Variants in PNPLA7 observed in about 807,000 individuals in gnomAD.
The protein encoded by PNPLA7 is patatin like domain 7, lysophospholipase.
Under a neutral mutation model 161.7 loss-of-function variants are expected in PNPLA7, and 153 were observed. The observed-to-expected ratio is 0.95, with a 90% confidence interval of 0.83 to 1.08. PNPLA7 has a LOEUF of 1.08. PNPLA7 is among the 50% of genes least tolerant of loss of function. The pLI is 0.00. For synonymous variants in PNPLA7, 809 were observed against 782.1 expected, an observed-to-expected ratio of 1.03 and a Z score of -0.57; for missense variants, 1,739 against 1,856.6, an observed-to-expected ratio of 0.94 and a Z score of 1.16.
chr9:137,547,416 C>T lies in PNPLA7; in HGVS notation c.106-20G>A, dbSNP rs780038905. On this transcript the variant is annotated intron_variant, in intron 2 of 34. Transcript: ENST00000406427. This position sits in a 1 kb window ranked among gnomAD's most constrained non-coding sequence, Gnocchi z 4.6. ...CGTCAGCTGGCCGAGAGTGGAAACA[C>T]GGCGCCCATCAGCAAAGCCACAAAC... The T allele has an allele frequency of 1.2e-5, 19 of 1,612,758 alleles. No homozygotes were observed. Among genetic ancestry groups the T allele is most frequent in the East Asian group, 8.9e-5 (4 of 44,886 alleles).
In PNPLA7 at chr9:137,461,952, C is replaced by G; in HGVS notation, c.3735G>C (p.Pro1245=). The stretch of plus-strand genomic sequence containing the variant: ...TCACCGCACTCGCGGGCTTCTTGCT[C>G]GGCCCCTGCTGGTCGCGGAGCATCT... The part of the protein sequence containing the change: ...LEKMLRDQQG[P]SKKPASAVLT... Residue 1245 remains proline, a synonymous_variant, in exon 32 of 35, where the codon CCG becomes CCC. Transcript: ENST00000406427. 1 of 1,587,556 alleles carries G rather than the reference C, an allele frequency of 6.3e-7. No individual in the cohort carries two copies. The highest frequency in any genetic ancestry group is 8.5e-7 in the Non-Finnish European group (1 of 1,171,396).
At chr9:137,546,509 C>G (rs560557797) in intron 4 of PNPLA7, among the ~76,000 whole-genome samples, 3 of 152,208 alleles carry the variant, frequency 2.0e-5, no homozygotes, top group Admixed American at 1.3e-4. Context: ...GCCCTACAGG[C>G]CTTCCCTCCC....
At chr9:137,506,131 A>G in intron 12 of PNPLA7, 48 bp from the exon 13 acceptor site, 1 of 1,519,758 alleles carries the variant, frequency 6.6e-7, no homozygotes, top group Non-Finnish European at 9.0e-7. Flanking sequence ...GGCCACTGAC[A>G]CAAACGTCCG....
At chr9:137,504,777 T>TG (rs1443058836) in intron 14 of PNPLA7, among the ~76,000 whole-genome samples, 1 of 152,048 alleles carries the variant, frequency 6.6e-6, no homozygotes, top group East Asian at 1.9e-4. Context: ...AGAAAATAAC[T>TG]GGGGGAGGGA....
At position 137,500,623 on chromosome 9, in the gene PNPLA7, A is replaced by T; in HGVS notation, c.1757+68T>A. ...TGAGAGCACCAGGAAGAGGCCGGCC[A>T]CGCGGGGAGGGGTCTCAGGGCAGGG... On this transcript the variant is annotated intron_variant, in intron 16 of 34. Coordinates refer to ENST00000406427, the MANE Select transcript of PNPLA7 (RefSeq NM_001098537.3). This position sits in a 1 kb window ranked among gnomAD's most constrained non-coding sequence, Gnocchi z 5.5. 1 of 1,466,464 alleles carries T rather than the reference A, an allele frequency of 6.8e-7. No homozygotes were observed. The highest frequency in any genetic ancestry group is 9.4e-7 in the Non-Finnish European group (1 of 1,067,012). The allele number at this position is 1,466,464 out of a possible 1,614,324, so 90.8% of individuals were successfully genotyped here.
intron 25 of PNPLA7, among the ~76,000 whole-genome samples, chr9:137,477,031 C>T (rs893070894): frequency 8.5e-5 from 13 of 152,230 alleles, no homozygotes; most frequent in East Asian, 1.9e-4. Flanking sequence ...GCTGGCACTC[C>T]GTGGGAGATG....
chr9:137,542,462 C>T (rs1379816082), intron 7 of PNPLA7, among the ~76,000 whole-genome samples, 180 bp downstream of exon 7: 1 of 152,080 alleles, frequency 6.6e-6, no homozygotes, highest in Non-Finnish European at 1.5e-5. Context: ...CAGAGTGAGA[C>T]CCTGTTTCAA....
chr9:137,464,023 C>T (rs904427023), intron 28 of PNPLA7, 103 bp downstream of exon 28: 2 of 1,289,628 alleles, frequency 1.6e-6, no homozygotes, highest in East Asian at 5.0e-5. Flanking sequence ...CGTCTGCATC[C>T]TTCAGGAGAC....
At chr9:137,501,991 T>C (rs1833453018) in intron 14 of PNPLA7, among the ~76,000 whole-genome samples, 1 of 152,246 alleles carries the variant, frequency 6.6e-6, no homozygotes, top group Non-Finnish European at 1.5e-5. Flanking sequence ...ACACTCGTAT[T>C]TTTGTGAATT....
intron 26 of PNPLA7, 147 bp from the exon 27 acceptor site, chr9:137,464,603 C>G: frequency 4.0e-6 from 3 of 742,900 alleles, no homozygotes; most frequent in Non-Finnish European, 6.8e-6. Flanking sequence ...GGCTTGGCGC[C>G]CTGGCTGGAG....
At chr9:137,479,846 C>A in intron 23 of PNPLA7, 1 of 985,434 alleles carries the variant, frequency 1.0e-6, no homozygotes, top group Non-Finnish European at 1.2e-6. Context: ...CCCGAAGGTG[C>A]CTGCAGAAGG....
At position 137,505,619 on chromosome 9, in the gene PNPLA7, G is replaced by A. The variant is rs1833873284; in HGVS notation, c.1468C>T (p.Leu490=). ...AKKDLLTLMK[L]EDSSLLDGRV... is the part of the protein sequence containing the mutation. ...TGCCCGCCGGGGCCACTCACTTCCA[G>A]CTTCATCAGGGTGAGCAGGTCCTTC... Residue 490 remains leucine (L), a synonymous_variant, in exon 14 of 35, where the codon CTG becomes TTG. Coordinates refer to ENST00000406427, the MANE Select transcript of PNPLA7 (RefSeq NM_001098537.3). 6 of 1,613,972 alleles carry A rather than the reference G, an allele frequency of 3.7e-6. No homozygotes were observed. Among genetic ancestry groups the A allele is most frequent in the Non-Finnish European group, 5.1e-6 (6 of 1,180,002 alleles).
rs188270302 is a variant in PNPLA7, at chr9:137,462,235, G to A, written c.3589C>T (p.Arg1197Cys). The A allele has an allele frequency of 2.8e-5, 45 of 1,607,948 alleles. No individual in the cohort carries two copies. Among genetic ancestry groups the A allele is most frequent in the Admixed American group, 3.4e-5 (2 of 59,550 alleles). The change falls in exon 31 of 35, where the codon CGC (arginine) becomes TGC (cysteine). Residue 1197 changes from arginine to cysteine, a missense_variant. Arg to Cys is a radical substitution (Grantham distance 180). This residue lies in a region of PNPLA7 where 703 missense variants were observed against 694.6 expected (regional missense o/e 1.01). Transcript: ENST00000406427. ...VKSSDYCEYL[R>C]PPIDSYSTLD... Reference sequence around the variant, plus strand: ...GTGCTGTAGCTGTCGATGGGGGGGCGCAGGTACTCGCAGTAGTCACTGCTC... The same window carrying A: ...GTGCTGTAGCTGTCGATGGGGGGGCACAGGTACTCGCAGTAGTCACTGCTC...
intron 33 of PNPLA7, 75 bp downstream of exon 33, chr9:137,461,461 T>TGGGGGCCTGGGGGGG: frequency 1.7e-6 from 2 of 1,189,096 alleles, no homozygotes; most frequent in African/African-American, 4.3e-5. Context: ...GCCTCTGGGG[T>TGGGGGCCTGGGGGGG]GGGGGGGTTC....
intron 11 of PNPLA7, among the ~76,000 whole-genome samples, chr9:137,518,603 C>T (rs1166279481): frequency 4.4e-4 from 28 of 64,014 alleles, no homozygotes; most frequent in African/African-American, 1.5e-3. Flanking sequence ...TCCACTCTGT[C>T]CACTCCATCC....
At chr9:137,522,307 C>T (rs7874314) in intron 9 of PNPLA7, among the ~76,000 whole-genome samples, 88,003 of 145,454 alleles carry the variant, frequency 0.61, 27,680 homozygotes, top group African/African-American at 0.82. Context: ...ATCTCCTGAC[C>T]TCGTGATCCG....
chr9:137,509,591 C>G, intron 12 of PNPLA7: 1 of 345,624 alleles, frequency 2.9e-6, no homozygotes, highest in Non-Finnish European at 6.1e-6. Flanking sequence ...GTGAGTTTAG[C>G]TGGTACAAAT....
rs1440801969 is a variant in PNPLA7 at position 137,500,855 on chromosome 9, C to T, written c.1593G>A (p.Val531=). The T allele has an allele frequency of 1.3e-6, 2 of 1,592,698 alleles. No homozygotes were observed. The highest frequency in any genetic ancestry group is 8.5e-7 in the Non-Finnish European group (1 of 1,172,142). ...CCTGGCTGCCGATCTTCCGCTGGTA[C>T]ACGTGCAGCAGCCCCGAGACCACGA... is the stretch of plus-strand genomic sequence containing the variant. The part of the protein sequence containing the change: ...ILFVVSGLLH[V]YQRKIGSQED... The change falls in exon 16 of 35, where the codon GTG becomes GTA. Residue 531 remains valine, a synonymous_variant. Transcript: ENST00000406427. The surrounding 1 kb of genome is among the most constrained non-coding windows in gnomAD (Gnocchi z 5.5).
intron 8 of PNPLA7, among the ~76,000 whole-genome samples, chr9:137,533,999 G>T (rs1479131161): frequency 7.7e-6 from 1 of 130,234 alleles, no homozygotes; most frequent in African/African-American, 3.0e-5. Flanking sequence ...CAGGTGGGAG[G>T]ACTCCCAGAA....
Sources: gnomAD v4.1 joint callset for allele counts (sites outside exome capture counted in the v4.1 genomes callset) on GRCh38, gnomAD v4.1.1 for gene constraint, gnomAD v4.1.1 regional missense constraint, Gnocchi (gnomAD v3.1) non-coding constraint, MANE v1.5 for transcripts, NCBI Gene and HGNC (gene_info 2026-07-23, HGNC 2026-07-21) for gene names.